TAF12: variants seen among roughly 807,000 people sequenced by gnomAD.
TAF12 encodes the protein transcription initiation factor TFIID subunit 12.
Under a neutral mutation model 20.8 loss-of-function variants are expected in TAF12, and 3 were observed. The observed-to-expected ratio is 0.14, with a 90% CI of 0.07 to 0.37. The LOEUF (loss-of-function observed/expected upper bound fraction) is 0.37. Ranked by LOEUF, TAF12 falls within the 10% of genes least tolerant of loss-of-function variation. The pLI, the probability that TAF12 is intolerant of heterozygous loss-of-function variation, is 1.00. For synonymous variants in TAF12, 69 were observed against 70.2 expected (o/e 0.98, Z 0.09); for missense variants, 131 against 197.9 (o/e 0.66, Z 2.03).
At chr1:28,624,046 T>A in intron 1 of TAF12, 1 of 984,320 alleles carries the variant, frequency 1.0e-6, no homozygotes, top group Non-Finnish European at 1.2e-6. Context: ...AATGAACAAC[T>A]GGCATCAAGC....
intron 1 of TAF12, among the ~76,000 whole-genome samples, chr1:28,632,580 A>G (rs1667669448): frequency 6.6e-6 from 1 of 152,156 alleles, no homozygotes; most frequent in South Asian, 2.1e-4. Context: ...TCTCAAATGT[A>G]TCATACTAAG....
At chr1:28,618,691 T>C (rs1392690391) in intron 2 of TAF12, among the ~76,000 whole-genome samples, 1 of 152,042 alleles carries the variant, frequency 6.6e-6, no homozygotes, top group Non-Finnish European at 1.5e-5. Context: ...TCATGGTGCC[T>C]CTTTCTGATG....
intron 1 of TAF12, among the ~76,000 whole-genome samples, chr1:28,638,789 T>C (rs1211107854): frequency 7.3e-6 from 1 of 136,764 alleles, no homozygotes; most frequent in South Asian, 2.4e-4. Context: ...CCTGGCCTAT[T>C]TTTTTTTTTT....
At position 28,618,007 on chromosome 1, in the gene TAF12, C is replaced by T. The variant is rs1483743061; in HGVS notation, c.192G>A (p.Gln64=). The T allele has an allele frequency of 6.2e-7, 1 of 1,613,738 alleles. No homozygotes were observed. Among genetic ancestry groups the T allele is most frequent in the Non-Finnish European group, 8.5e-7 (1 of 1,179,944 alleles). ...TAGGATCCACTTCTCTTACTAAGTC[C>T]TGTAATTTCTTCTTGGTCAATACCT... The part of the protein sequence containing the change: ...NNQVLTKKKL[Q]DLVREVDPNE... Residue 64 remains glutamine (Q), a synonymous_variant, in exon 3 of 6, where the codon CAG becomes CAA. Transcript: ENST00000373824.
chr1:28,640,968 C>G (rs1194418632), intron 1 of TAF12, among the ~76,000 whole-genome samples: 1 of 152,036 alleles, frequency 6.6e-6, no homozygotes, highest in African/African-American at 2.4e-5. Context: ...TCCCAGGAGG[C>G]TGAGGCAGGA....
chr1:28,612,345 G>A (rs534312264), intron 4 of TAF12, among the ~76,000 whole-genome samples: 140 of 151,750 alleles, frequency 9.2e-4, no homozygotes, highest in Non-Finnish European at 1.7e-3. Flanking sequence ...AGCTACTTAG[G>A]AGGCTGAGGC....
At chr1:28,637,976 C>T (rs1461709935) in intron 1 of TAF12, among the ~76,000 whole-genome samples, 4 of 152,004 alleles carry the variant, frequency 2.6e-5, no homozygotes, top group Admixed American at 1.3e-4. Context: ...TGCAGTGAGA[C>T]CCCATTCCTA....
chr1:28,635,029 C>A (rs993876778), intron 1 of TAF12, among the ~76,000 whole-genome samples: 1 of 151,268 alleles, frequency 6.6e-6, no homozygotes, highest in East Asian at 2.0e-4. Flanking sequence ...TCGAGACCAT[C>A]CTGGCTAACA....
At chr1:28,620,023 C>T (rs1667162375) in intron 2 of TAF12, among the ~76,000 whole-genome samples, 2 of 151,914 alleles carry the variant, frequency 1.3e-5, no homozygotes, top group African/African-American at 4.8e-5. Context: ...AAATGCTAAC[C>T]ATGGCTATTT....
chr1:28,643,030 GC>G lies in TAF12; in HGVS notation c.-124del. On this transcript the variant is annotated 5_prime_UTR_variant, in exon 1 of 6. Transcript: ENST00000373824. ...TATCTCCCCATGATATGCAGAGACT[GC>G]CCCAGTGAAGCGTTCGTCTCAGCAG... 1.0e-6 allele frequency: 1 copy of G among 985,888 alleles called. No homozygotes were observed. Among genetic ancestry groups the G allele is most frequent in the Non-Finnish European group, 1.2e-6 (1 of 829,958 alleles). 61.1% of individuals were successfully genotyped at this position (985,888 alleles called of 1,614,324 possible).
chr1:28,616,476 T>C (rs1420317079), intron 3 of TAF12, among the ~76,000 whole-genome samples: 1 of 151,116 alleles, frequency 6.6e-6, no homozygotes, highest in Non-Finnish European at 1.5e-5. Context: ...CTCATGCCTG[T>C]AATCCCAGCA....
In TAF12 at chr1:28,624,068, C is replaced by T. The variant is rs1667305048; in HGVS notation, c.-84-1903G>A. ...AACTGGCATCAAGCACCATCCTTGC[C>T]ATGGAACCATTTTAGTTGAATGGCC... is the stretch of plus-strand genomic sequence containing the variant. On this transcript the variant is annotated intron_variant, in intron 1 of 5. Coordinates refer to ENST00000373824, the MANE Select transcript of TAF12 (RefSeq NM_005644.4). 3 of 962,620 alleles carry T rather than the reference C, an allele frequency of 3.1e-6. 1 individual carries two copies. The South Asian group carries it at 1.4e-4, about 46-fold the overall frequency. 59.6% of individuals were successfully genotyped at this position (962,620 alleles called of 1,614,324 possible).
rs1290240874 is a variant in TAF12, at chr1:28,603,465, AGGATGAGAT to A, written c.*65_*73del. 2 of 1,529,218 alleles carry A rather than the reference AGGATGAGAT, an allele frequency of 1.3e-6. No homozygotes were observed. The highest frequency in any genetic ancestry group is 1.8e-6 in the Non-Finnish European group (2 of 1,111,434). 94.7% of individuals were successfully genotyped at this position (1,529,218 alleles called of 1,614,324 possible). A position where few individuals can be genotyped will look rare whatever the true frequency, so the allele number is the denominator to read the frequency against. On this transcript the variant is annotated 3_prime_UTR_variant, in exon 6 of 6. Coordinates refer to ENST00000373824, the MANE Select transcript of TAF12 (RefSeq NM_005644.4). Reference sequence around the variant, plus strand: ...GTAAAGCATTAAAAAAAAAAATCCAAGGATGAGATGGCTGAGTTCTCAGCTCAAGTATCT... The same window carrying A: ...GTAAAGCATTAAAAAAAAAAATCCAAGGCTGAGTTCTCAGCTCAAGTATCT...
intron 4 of TAF12, among the ~76,000 whole-genome samples, chr1:28,606,483 CT>C (rs924747589): frequency 5.9e-5 from 9 of 151,398 alleles, no homozygotes; most frequent in African/African-American, 2.2e-4. Flanking sequence ...TTATGTTGAA[CT>C]TTTGGGCTCA....
At chr1:28,622,568 TAAATG>T (rs1469143744) in intron 1 of TAF12, among the ~76,000 whole-genome samples, 3 of 151,926 alleles carry the variant, frequency 2.0e-5, no homozygotes, top group African/African-American at 2.4e-5. Context: ...AGGAAGCAAG[TAAATG>T]AAATGAAGAA....
chr1:28,618,201 G>A (rs764822139), intron 2 of TAF12, among the ~76,000 whole-genome samples, 171 bp from the exon 3 acceptor site: 15 of 152,178 alleles, frequency 9.9e-5, no homozygotes, highest in Non-Finnish European at 2.1e-4. Flanking sequence ...TCTCAAGACA[G>A]AAGTAACTTA....
At position 28,615,814 on chromosome 1, in the gene TAF12, C is replaced by T. The variant is rs577594057; in HGVS notation, c.246+2139G>A. ...TTACAGATACTGACATTTAGGGAAT[C>T]TTCCATTAGGAAGGTTGACTTGTGG... On this transcript the variant is annotated intron_variant, in intron 3 of 5. Transcript: ENST00000373824. Among the ~76,000 whole-genome samples the T allele has an allele frequency of 3.5e-4, 52 of 147,782 alleles. 1 individual carries two copies. In the South Asian group the frequency reaches 7.5e-3, roughly 21 times the overall value.
At chr1:28,646,564 C>T (rs963405522), upstream of TAF12, among the ~76,000 whole-genome samples, 4 of 151,988 alleles carry the variant, frequency 2.6e-5, no homozygotes, top group Admixed American at 6.6e-5. Flanking sequence ...GGAGTTCGCT[C>T]TTGTTGCCCA....
In TAF12 at chr1:28,603,400, A is replaced by T; in HGVS notation, c.*139T>A. The T allele has an allele frequency of 2.4e-6, 2 of 832,322 alleles. No homozygotes were observed. The highest frequency in any genetic ancestry group is 1.8e-5 in the South Asian group (1 of 55,532). 51.6% of individuals were successfully genotyped at this position (832,322 alleles called of 1,614,324 possible). A position where few individuals can be genotyped will look rare whatever the true frequency, so the allele number is the denominator to read the frequency against. On this transcript the variant is annotated 3_prime_UTR_variant, in exon 6 of 6. Transcript: ENST00000373824. ...TTTGGCAGATCCTCTCAGTCATTAT[A>T]GATATTGCTGCACTGTTAATAAAAA...
Sources: gnomAD v4.1 joint callset for allele counts (sites outside exome capture counted in the v4.1 genomes callset) on GRCh38, gnomAD v4.1.1 for gene constraint, MANE v1.5 for transcripts, NCBI Gene and HGNC (gene_info 2026-07-23, HGNC 2026-07-21) for gene names.